The following CCSER1 variants were observed in gnomAD, a reference collection of about 807,000 sequenced individuals.
CCSER1 encodes coiled-coil serine rich protein 1, also known as serine-rich coiled-coil domain-containing protein 1.
In CCSER1, 41 loss-of-function variants were observed where a neutral mutation model predicts 82.0. That is an observed-to-expected ratio of 0.50 (90% CI 0.39 to 0.65). The LOEUF (loss-of-function observed/expected upper bound fraction) is 0.65. Among genes scored for constraint, CCSER1 ranks in the 30% least tolerant of loss-of-function variants. The pLI is 0.00. For missense variants in CCSER1, 1,119 were observed against 1,064.2 expected (o/e 1.05, Z -0.72); for synonymous variants, 414 against 383.9 (o/e 1.08, Z -0.92).
chr4:90,183,018 C>T (rs1314362576), intron 1 of CCSER1, among the ~76,000 whole-genome samples: 2 of 151,918 alleles, frequency 1.3e-5, no homozygotes, highest in African/African-American at 4.8e-5. Context: ...TCAGTTTTAT[C>T]TCCTCAATTT....
intron 5 of CCSER1, among the ~76,000 whole-genome samples, chr4:90,485,644 C>T (rs1374590789): frequency 1.3e-5 from 2 of 151,974 alleles, no homozygotes; most frequent in Non-Finnish European, 1.5e-5. Context: ...TTTCATCACC[C>T]AGGTATTAAG....
intron 3 of CCSER1, among the ~76,000 whole-genome samples, chr4:90,363,432 A>C (rs1307336218): frequency 1.3e-5 from 2 of 152,162 alleles, no homozygotes; most frequent in African/African-American, 2.4e-5. Flanking sequence ...TGGTGAATGA[A>C]TATCACTGTG....
At chr4:91,294,154 CTA>C (rs992043069) in intron 10 of CCSER1, among the ~76,000 whole-genome samples, 3 of 151,920 alleles carry the variant, frequency 2.0e-5, no homozygotes, top group Non-Finnish European at 4.4e-5. Flanking sequence ...CTTAAAGAAA[CTA>C]TAGTTCCTTA....
At chr4:90,411,050 A>G (rs1306336675) in intron 4 of CCSER1, among the ~76,000 whole-genome samples, 1 of 152,222 alleles carries the variant, frequency 6.6e-6, no homozygotes, top group Non-Finnish European at 1.5e-5. Context: ...TCCTGGACAC[A>G]TACACCTCCT....
intron 10 of CCSER1, among the ~76,000 whole-genome samples, chr4:91,192,035 T>C (rs1302601006): frequency 2.6e-5 from 4 of 152,184 alleles, no homozygotes; most frequent in Non-Finnish European, 5.9e-5. Flanking sequence ...TGTTTTCTTC[T>C]ACAGCAAATT....
chr4:90,631,199 A>C (rs1490575882), intron 6 of CCSER1, among the ~76,000 whole-genome samples: 1 of 152,104 alleles, frequency 6.6e-6, no homozygotes, highest in Non-Finnish European at 1.5e-5. Context: ...GGCCAAGTTC[A>C]CAGATTATTT....
At chr4:90,138,004 G>C (rs144407551) in intron 1 of CCSER1, among the ~76,000 whole-genome samples, 5,269 of 152,258 alleles carry the variant, frequency 0.035, 129 homozygotes, top group South Asian at 0.061. Flanking sequence ...TCCATTGAAA[G>C]TATCATAATT....
intron 10 of CCSER1, among the ~76,000 whole-genome samples, chr4:91,418,625 A>G (rs970515029): frequency 3.9e-5 from 6 of 152,044 alleles, no homozygotes; most frequent in Admixed American, 1.3e-4. Context: ...TGATGGTTTT[A>G]CAGGTTAACT....
chr4:90,924,403 C>G (rs2150254862), intron 9 of CCSER1, among the ~76,000 whole-genome samples: 1 of 152,088 alleles, frequency 6.6e-6, no homozygotes, highest in Admixed American at 6.5e-5. Flanking sequence ...TAAACCAAAG[C>G]TTTGAATCAC....
chr4:90,611,058 T>TC (rs1419172468), intron 5 of CCSER1, among the ~76,000 whole-genome samples: 7 of 130,470 alleles, frequency 5.4e-5, no homozygotes, highest in Admixed American at 2.2e-4. Flanking sequence ...TCTTTTCTTT[T>TC]CTTTTTTTTT....
intron 5 of CCSER1, among the ~76,000 whole-genome samples, chr4:90,568,727 A>G (rs1459454870): frequency 6.7e-6 from 1 of 148,694 alleles, no homozygotes; most frequent in African/African-American, 2.5e-5. Flanking sequence ...TAGTTGTTTC[A>G]TAGATCTTTT....
chr4:91,323,116 C>T (rs549930700), intron 10 of CCSER1, among the ~76,000 whole-genome samples: 12 of 152,240 alleles, frequency 7.9e-5, no homozygotes, highest in South Asian at 4.1e-4. Context: ...CAGAAACATG[C>T]GGGCTGGACT....
At chr4:90,803,787 A>G (rs1190655198) in intron 7 of CCSER1, among the ~76,000 whole-genome samples, 1 of 152,178 alleles carries the variant, frequency 6.6e-6, no homozygotes, top group Admixed American at 6.5e-5. Flanking sequence ...GAATCACCAC[A>G]CTGTCTTCCA....
At chr4:91,505,041 C>T (rs1560722901) in intron 10 of CCSER1, among the ~76,000 whole-genome samples, 2 of 152,104 alleles carry the variant, frequency 1.3e-5, no homozygotes, top group Non-Finnish European at 2.9e-5. Context: ...CAACCCATCA[C>T]CTATGTATTA....
At chr4:91,366,176 C>T (rs567742302) in intron 10 of CCSER1, among the ~76,000 whole-genome samples, 12 of 152,096 alleles carry the variant, frequency 7.9e-5, no homozygotes, top group South Asian at 2.1e-4. Flanking sequence ...ACCACCTCCA[C>T]GCCCAGCTAA....
Position 90,701,601 on chromosome 4 carries a change from T to C in CCSER1, c.1933-22313T>C, listed in dbSNP as rs6852943. On this transcript the variant is annotated intron_variant, in intron 6 of 10. Coordinates refer to ENST00000509176, the MANE Select transcript of CCSER1 (RefSeq NM_001145065.2). ...AGTATGGCCATTTTCACGATATTGA[T>C]TCTTCCTACCCATGAGCATGGAATG... is the stretch of plus-strand genomic sequence containing the variant. 4.6e-3 allele frequency among the ~76,000 whole-genome samples: 694 copies of C among 152,354 alleles called. 8 individuals are homozygous for C. The highest frequency in any genetic ancestry group is 0.016 in the African/African-American group (662 of 41,586).
At chr4:91,114,442 G>A (rs1726374544) in intron 10 of CCSER1, among the ~76,000 whole-genome samples, 1 of 152,156 alleles carries the variant, frequency 6.6e-6, no homozygotes, top group Non-Finnish European at 1.5e-5. Context: ...TGCCTGCTCA[G>A]TCAAGATGTC....
chr4:91,260,692 G>T (rs1409407878), intron 10 of CCSER1, among the ~76,000 whole-genome samples: 3 of 152,208 alleles, frequency 2.0e-5, no homozygotes, highest in African/African-American at 4.8e-5. Context: ...AGGACTTATT[G>T]TCTTGTTGTC....
chr4:91,411,807 C>T (rs1040333581), intron 10 of CCSER1, among the ~76,000 whole-genome samples: 1 of 150,740 alleles, frequency 6.6e-6, no homozygotes, highest in Non-Finnish European at 1.5e-5. Context: ...AGGATCTTTG[C>T]CTCTGGTGTT....
Sources: allele counts gnomAD v4.1 joint callset (sites outside exome capture counted in the v4.1 genomes callset), GRCh38; gene constraint gnomAD v4.1.1; transcripts MANE v1.5; gene names NCBI Gene and HGNC (gene_info 2026-07-23, HGNC 2026-07-21).